TG: variants seen among roughly 807,000 people sequenced by gnomAD.
TG encodes thyroid hormones.
TG carries 270 observed loss-of-function variants against 324.7 expected under a neutral mutation model. That is an observed-to-expected ratio of 0.83 (90% CI 0.75 to 0.92). The LOEUF (loss-of-function observed/expected upper bound fraction) is 0.92, where lower values mean the gene tolerates loss of function less well. TG is among the 40% of genes least tolerant of loss of function. The probability of loss-of-function intolerance (pLI) is 0.00; values close to 1 mark genes in which losing one functional copy is unlikely to be tolerated. For missense variants in TG, 3,591 were observed against 3,456.4 expected (o/e 1.04, Z -0.98); for synonymous variants, 1,401 against 1,327.0 (o/e 1.06, Z -1.21).
intron 34 of TG, among the ~76,000 whole-genome samples, chr8:132,978,401 C>G (rs1042660389): frequency 4.6e-5 from 7 of 152,156 alleles, no homozygotes; most frequent in African/African-American, 1.4e-4. Flanking sequence ...CTGGAGGTCA[C>G]ATTTCAACAT....
intron 40 of TG, among the ~76,000 whole-genome samples, chr8:133,022,672 G>T (rs1235730290): frequency 6.6e-6 from 1 of 152,108 alleles, no homozygotes; most frequent in East Asian, 1.9e-4. Flanking sequence ...CAAACCTGTT[G>T]ATCACCCCAT....
intron 27 of TG, among the ~76,000 whole-genome samples, chr8:132,955,885 G>A (rs982084395): frequency 6.6e-6 from 1 of 152,250 alleles, no homozygotes; most frequent in African/African-American, 2.4e-5. Flanking sequence ...CAATGCTGGA[G>A]AATGGGCTCT....
In TG at chr8:132,871,374, C is replaced by T. The variant is rs531772882; in HGVS notation, c.301C>T (p.Gln101Ter). The T allele has an allele frequency of 6.2e-7, 1 of 1,614,222 alleles. No individual in the cohort carries two copies. ...TCTGTCATTTTGTCAGCTACAGAAA[C>T]AGCAGATCTTACTGAGTGGCTACAT... ...ACLSFCQLQK[Q>*]QILLSGYINS... Residue 101 changes from glutamine (Q) to a stop codon, truncating the protein, a stop_gained, in exon 4 of 48, where the codon CAG becomes TAG. Coordinates refer to ENST00000220616, the MANE Select transcript of TG (RefSeq NM_003235.5). LOFTEE classifies it high-confidence loss of function.
chr8:132,894,553 G>T (rs980361398), intron 11 of TG, among the ~76,000 whole-genome samples: 2 of 151,894 alleles, frequency 1.3e-5, no homozygotes, highest in Admixed American at 6.6e-5. Context: ...CGAACTCCTG[G>T]GCTCAAGCAA....
intron 45 of TG, among the ~76,000 whole-genome samples, chr8:133,121,085 C>CCCGTGGCT (rs1021778836): frequency 2.6e-5 from 4 of 152,222 alleles, no homozygotes; most frequent in Non-Finnish European, 4.4e-5. Context: ...ATAACTACCT[C>CCCGTGGCT]CCGTGGCTCC....
In TG at chr8:133,057,915, T is replaced by C. The variant is rs184525047; in HGVS notation, c.7239+27892T>C. Among the ~76,000 whole-genome samples the C allele has an allele frequency of 8.5e-4, 129 of 152,312 alleles. 1 individual carries two copies. The Middle Eastern group carries it at 0.01, about 12-fold the overall frequency. ...GTCCAGGCTGGCCTCTGGGTGATCCTTGTGCACGGCCAGGGTCTGTGGAGG... is the reference window on the plus strand; with the variant it reads ...GTCCAGGCTGGCCTCTGGGTGATCCCTGTGCACGGCCAGGGTCTGTGGAGG... On this transcript the variant is annotated intron_variant, in intron 41 of 47. Transcript: ENST00000220616.
At chr8:133,014,434 T>A (rs1834838763) in intron 37 of TG, among the ~76,000 whole-genome samples, 1 of 152,220 alleles carries the variant, frequency 6.6e-6, no homozygotes, top group South Asian at 2.1e-4. Flanking sequence ...AAACAGGGAC[T>A]GGGCATCTGG....
At chr8:133,085,965 A>G (rs985085297) in intron 41 of TG, among the ~76,000 whole-genome samples, 1 of 152,230 alleles carries the variant, frequency 6.6e-6, no homozygotes, top group Non-Finnish European at 1.5e-5. Context: ...AAGTAGAAAC[A>G]ACCCAAATGT....
At chr8:132,904,736 G>A (rs1474665284) in intron 16 of TG, among the ~76,000 whole-genome samples, 2 of 152,040 alleles carry the variant, frequency 1.3e-5, no homozygotes, top group African/African-American at 4.8e-5. Flanking sequence ...AAAAGGCAAG[G>A]GAGGGTAAAA....
chr8:132,983,362 A>T lies in TG; in HGVS notation c.6212A>T (p.Asn2071Ile). ...GWYQKPIAQN[N>I]APSFCPLVVL... Reference sequence around the variant, plus strand: ...TTTTCCTTTTCAGTTGCTCAAAATAATGCTCCCAGTTTTTGCCCTTTGGTT... The same window carrying T: ...TTTTCCTTTTCAGTTGCTCAAAATATTGCTCCCAGTTTTTGCCCTTTGGTT... The change falls in exon 35 of 48, where the codon AAT becomes ATT. Residue 2071 changes from asparagine (N) to isoleucine (I), a missense_variant. Transcript: ENST00000220616. 1 of 1,614,150 alleles carries T rather than the reference A, an allele frequency of 6.2e-7. No individual in the cohort carries two copies. Among genetic ancestry groups the T allele is most frequent in the Non-Finnish European group, 8.5e-7 (1 of 1,180,002 alleles).
At chr8:133,059,165 G>T (rs1312561125) in intron 41 of TG, 3 of 456,066 alleles carry the variant, frequency 6.6e-6, no homozygotes, top group African/African-American at 6.0e-5. Flanking sequence ...GTGCTGCAGG[G>T]GCTGCTGGGA....
At chr8:133,011,092 C>G (rs1288018202) in intron 35 of TG, among the ~76,000 whole-genome samples, 1 of 152,104 alleles carries the variant, frequency 6.6e-6, no homozygotes, top group East Asian at 1.9e-4. Context: ...GCAGAGCATG[C>G]TTGGGATATA....
At position 132,887,043 on chromosome 8, in the gene TG, C is replaced by G; in HGVS notation, c.1671C>G (p.Asn557Lys). The G allele has an allele frequency of 1.2e-6, 2 of 1,614,158 alleles. No individual in the cohort carries two copies. Among genetic ancestry groups the G allele is most frequent in the Non-Finnish European group, 1.7e-6 (2 of 1,180,038 alleles). The change falls in exon 9 of 48, where the codon AAC (asparagine) becomes AAG (lysine). Residue 557 changes from asparagine to lysine, a missense_variant. Physicochemically the swap from Asn to Lys is moderately conservative, Grantham distance 94. Transcript: ENST00000220616. ...PTVGSFGFEI[N>K]LQENQNALKF... Reference sequence around the variant, plus strand: ...TGGGCAGCTTTGGCTTTGAAATTAACCTACAAGAGAACCAAAATGCCCTCA... The same window carrying G: ...TGGGCAGCTTTGGCTTTGAAATTAAGCTACAAGAGAACCAAAATGCCCTCA...
chr8:132,901,875 A>G (rs1023810517), intron 16 of TG, among the ~76,000 whole-genome samples: 12 of 152,184 alleles, frequency 7.9e-5, no homozygotes, highest in African/African-American at 2.9e-4. Flanking sequence ...CCGTGGTTGC[A>G]GGATCTCAGT....
chr8:132,918,870 A>G (rs189919220), intron 20 of TG, among the ~76,000 whole-genome samples: 1 of 152,370 alleles, frequency 6.6e-6, no homozygotes, highest in Non-Finnish European at 1.5e-5. Context: ...CAAAGAAGTC[A>G]TGCATGGACG....
chr8:133,050,091 T>C (rs1281458949), intron 41 of TG: 7 of 822,718 alleles, frequency 8.5e-6, no homozygotes, highest in Non-Finnish European at 1.5e-5. Context: ...GTTTGGAACA[T>C]TCCTCTTTTA....
Position 132,887,385 on chromosome 8 carries a change from C to T in TG, c.2013C>T (p.Ser671=), listed in dbSNP as rs1273606803. 1.2e-6 allele frequency: 2 copies of T among 1,614,208 alleles called. No individual in the cohort carries two copies. Among genetic ancestry groups the T allele is most frequent in the Non-Finnish European group, 1.7e-6 (2 of 1,180,046 alleles). ...DCEKQRARMQ[S]LMGSQPAGST... is the part of the protein sequence containing the mutation. ...AAAAGCAAAGGGCTCGCATGCAAAG[C>T]CTCATGGGCAGCCAGCCTGCTGGCT... is the stretch of plus-strand genomic sequence containing the variant. Residue 671 remains serine (S), a synonymous_variant, in exon 9 of 48, where the codon AGC becomes AGT. Transcript: ENST00000220616.
intron 11 of TG, among the ~76,000 whole-genome samples, chr8:132,895,940 T>C (rs540879107): frequency 6.6e-6 from 1 of 152,292 alleles, no homozygotes; most frequent in Non-Finnish European, 1.5e-5. Flanking sequence ...TCTGAGCTTG[T>C]AGAGGAAAGA....
intron 32 of TG, among the ~76,000 whole-genome samples, chr8:132,971,448 A>G (rs1487334286): frequency 1.3e-5 from 2 of 152,050 alleles, no homozygotes; most frequent in Non-Finnish European, 2.9e-5. Context: ...CAAAGCTGAG[A>G]CCTTCTGCTT....
Sources: gnomAD v4.1 joint callset for allele counts (sites outside exome capture counted in the v4.1 genomes callset) on GRCh38, gnomAD v4.1.1 for gene constraint, MANE v1.5 for transcripts, NCBI Gene and HGNC (gene_info 2026-07-23, HGNC 2026-07-21) for gene names.